SLC4A5: variants seen among roughly 807,000 people sequenced by gnomAD.
SLC4A5 encodes solute carrier family 4 member 5, also known as electrogenic sodium bicarbonate cotransporter 4.
A neutral mutation model predicts 120.4 loss-of-function variants in SLC4A5; 96 were observed. The ratio of observed to expected loss-of-function variants is 0.80; its 90% CI spans 0.68 to 0.94. SLC4A5 has a LOEUF of 0.94. Ranked by LOEUF, SLC4A5 falls within the 40% of genes least tolerant of loss-of-function variation. The pLI, the probability that SLC4A5 is intolerant of heterozygous loss-of-function variation, is 0.00. For missense variants in SLC4A5, 1,259 were observed against 1,459.5 expected (o/e 0.86, Z 2.24); for synonymous variants, 550 against 571.1 (o/e 0.96, Z 0.53).
intron 24 of SLC4A5, among the ~76,000 whole-genome samples, 160 bp from the exon 25 acceptor site, chr2:74,231,468 C>T (rs1288728794): frequency 6.6e-6 from 1 of 152,156 alleles, no homozygotes; most frequent in African/African-American, 2.4e-5. Flanking sequence ...CCAGCTGAAC[C>T]ATATGTGGGA....
Position 74,327,895 on chromosome 2 carries a change from G to A in SLC4A5, c.-3+225C>T, listed in dbSNP as rs72903285. On this transcript the variant is annotated intron_variant, in intron 5 of 30. Transcript: ENST00000394019. ...ATTTCTGTTAATTTGGAGTGGTTTT[G>A]CACCCAAAAACCTCAAGGCCAGGGT... Among the ~76,000 whole-genome samples the A allele has an allele frequency of 6.6e-3, 999 of 152,264 alleles. 10 individuals carry two copies. The highest frequency in any genetic ancestry group is 0.022 in the African/African-American group (931 of 41,536).
intron 27 of SLC4A5, among the ~76,000 whole-genome samples, chr2:74,225,783 A>G (rs1464760996): frequency 6.6e-6 from 1 of 152,104 alleles, no homozygotes; most frequent in East Asian, 1.9e-4. Flanking sequence ...AGACCCACAC[A>G]TTGAATTTTA....
intron 11 of SLC4A5, among the ~76,000 whole-genome samples, chr2:74,260,782 C>T (rs370004630): frequency 2.4e-4 from 37 of 152,258 alleles, no homozygotes; most frequent in African/African-American, 8.7e-4. Flanking sequence ...GACAGAAATC[C>T]GATCACAGCA....
At chr2:74,304,678 A>G (rs577710769) in exon 7 of SLC4A5, 1 of 1,611,752 alleles carries the variant, frequency 6.2e-7, no homozygotes, top group East Asian at 2.2e-5. Flanking sequence ...ATAGGAGGGC[A>G]TTCTGTGGAC....
At chr2:74,296,616 CAAAA>C (rs1160532512) in intron 7 of SLC4A5, among the ~76,000 whole-genome samples, 6 of 47,482 alleles carry the variant, frequency 1.3e-4, no homozygotes, top group Non-Finnish European at 1.8e-4. Context: ...ACTAAAAATA[CAAAA>C]AAAAAAAAAA....
intron 5 of SLC4A5, among the ~76,000 whole-genome samples, chr2:74,318,057 A>T (rs1360853190): frequency 6.6e-6 from 1 of 152,236 alleles, no homozygotes; most frequent in Non-Finnish European, 1.5e-5. Context: ...AAATAGACAA[A>T]TGGCACTTAA....
At chr2:74,222,799 G>GGGGGATCTGT in intron 29 of SLC4A5, 69 bp downstream of exon 29, 2 of 1,372,660 alleles carry the variant, frequency 1.5e-6, no homozygotes, top group Non-Finnish European at 2.1e-6. Context: ...AGTTACAGAT[G>GGGGGATCTGT]AAAGTTCCTA....
chr2:74,286,270 G>A (rs1047773929), intron 7 of SLC4A5, among the ~76,000 whole-genome samples: 2 of 152,064 alleles, frequency 1.3e-5, no homozygotes, highest in Non-Finnish European at 2.9e-5. Flanking sequence ...TCTTCCCACC[G>A]GGCCCCAAGC....
At chr2:74,273,115 T>A (rs1427386355) in intron 8 of SLC4A5, among the ~76,000 whole-genome samples, 1 of 152,182 alleles carries the variant, frequency 6.6e-6, no homozygotes, top group African/African-American at 2.4e-5. Context: ...CAATCAGACA[T>A]CAATATTTTT....
At chr2:74,280,907 G>C (rs1400010799) in intron 8 of SLC4A5, among the ~76,000 whole-genome samples, 1 of 152,024 alleles carries the variant, frequency 6.6e-6, no homozygotes, top group African/African-American at 2.4e-5. Flanking sequence ...GGCTGGTCTT[G>C]AACTCCTGAC....
chr2:74,282,548 C>T (rs185964907), intron 8 of SLC4A5, among the ~76,000 whole-genome samples: 3 of 152,330 alleles, frequency 2.0e-5, no homozygotes, highest in Admixed American at 6.5e-5. Flanking sequence ...ACTGCCAGAC[C>T]CCTTTATGTT....
intron 21 of SLC4A5, among the ~76,000 whole-genome samples, chr2:74,239,042 A>G (rs1433922979): frequency 1.3e-5 from 2 of 152,260 alleles, no homozygotes; most frequent in Admixed American, 6.5e-5. Context: ...TGTGGCCAAT[A>G]AACACAGGAA....
chr2:74,246,532 A>T (rs1670616895), intron 19 of SLC4A5, among the ~76,000 whole-genome samples: 1 of 152,192 alleles, frequency 6.6e-6, no homozygotes, highest in African/African-American at 2.4e-5. Flanking sequence ...CTGTTCTCAG[A>T]TGGCATGGAT....
chr2:74,333,956 T>C (rs1018943161), intron 4 of SLC4A5, 71 bp downstream of exon 4: 5 of 152,160 alleles, frequency 3.3e-5, no homozygotes, highest in African/African-American at 1.2e-4. Context: ...AAGGATTCAT[T>C]TGGGGGCCCT....
chr2:74,319,589 A>T (rs540826196), intron 5 of SLC4A5: 1 of 152,168 alleles, frequency 6.6e-6, no homozygotes, highest in East Asian at 1.9e-4. Flanking sequence ...TTTGAAACCC[A>T]ATTAGTTGTA....
chr2:74,306,461 C>T lies in SLC4A5; in HGVS notation c.80-1781G>A, dbSNP rs563119167. On this transcript the variant is annotated intron_variant, in intron 6 of 30. Coordinates refer to ENST00000394019, the Ensembl canonical transcript of SLC4A5. ...AGAGAGCGCTTCTGACCCAAATCGGCCAGAAACCCCTCTCAGGTTTATTCT... is the reference window on the plus strand; with the variant it reads ...AGAGAGCGCTTCTGACCCAAATCGGTCAGAAACCCCTCTCAGGTTTATTCT... Among the ~76,000 whole-genome samples the T allele has an allele frequency of 3.9e-5, 6 of 152,294 alleles. No individual in the cohort carries two copies. In the South Asian group the frequency reaches 1.0e-3, roughly 26 times the overall value.
At chr2:74,230,955 T>A (rs1219237163) in intron 25 of SLC4A5, among the ~76,000 whole-genome samples, 1 of 152,094 alleles carries the variant, frequency 6.6e-6, no homozygotes, top group East Asian at 1.9e-4. Context: ...TACAGGCACG[T>A]GCCACCATGC....
chr2:74,219,491 G>C (rs1169036099), intron 30 of SLC4A5, among the ~76,000 whole-genome samples: 1 of 152,114 alleles, frequency 6.6e-6, no homozygotes, highest in Non-Finnish European at 1.5e-5. Context: ...ATGTTGCAGA[G>C]CCTTTCACTG....
chr2:74,290,567 C>T, intron 7 of SLC4A5: 1 of 982,764 alleles, frequency 1.0e-6, no homozygotes. Context: ...AGAAAAGCTA[C>T]ACTGAGTTAA....
Sources: gnomAD v4.1 joint callset for allele counts (sites outside exome capture counted in the v4.1 genomes callset) on GRCh38, gnomAD v4.1.1 for gene constraint, MANE v1.5 for transcripts, NCBI Gene and HGNC (gene_info 2026-07-23, HGNC 2026-07-21) for gene names.